Variants in ACACA observed in about 807,000 individuals in gnomAD.
ACACA encodes the protein acetyl-CoA carboxylase alpha, also known as acetyl-CoA carboxylase 1.
A neutral mutation model predicts 296.1 loss-of-function variants in ACACA; 103 were observed. The ratio of observed to expected loss-of-function variants is 0.35; its 90% CI spans 0.30 to 0.41. The LOEUF is 0.41. Among genes scored for constraint, ACACA ranks in the 10% least tolerant of loss-of-function variants. ACACA has a pLI of 1.00. For synonymous variants in ACACA, 953 were observed against 1,038.6 expected (o/e 0.92, Z 1.58); for missense variants, 1,554 against 2,989.7 (o/e 0.52, Z 11.20).
chr17:37,371,727 C>T (rs1374664242), intron 1 of ACACA, among the ~76,000 whole-genome samples: 2 of 151,484 alleles, frequency 1.3e-5, no homozygotes, highest in African/African-American at 4.9e-5. Flanking sequence ...TGGTGAAACC[C>T]CGTCTCTACT....
chr17:37,143,184 T>C (rs944136192), intron 45 of ACACA, among the ~76,000 whole-genome samples: 2 of 150,968 alleles, frequency 1.3e-5, no homozygotes, highest in Admixed American at 1.3e-4. Flanking sequence ...AGCCTGGCTC[T>C]AGCCTCTCCA....
At chr17:37,391,345 A>C (rs572811051) in intron 1 of ACACA, among the ~76,000 whole-genome samples, 1 of 152,344 alleles carries the variant, frequency 6.6e-6, no homozygotes, top group South Asian at 2.1e-4. Flanking sequence ...ACTCATACTT[A>C]AGTTGAGGCT....
chr17:37,313,680 TA>T (rs2046950917), intron 3 of ACACA, among the ~76,000 whole-genome samples: 1 of 152,112 alleles, frequency 6.6e-6, no homozygotes, highest in African/African-American at 2.4e-5. Context: ...TAACAAATGC[TA>T]AGAGGATGTG....
rs144622831 is a variant in ACACA, at chr17:37,349,272, G to A, written c.39-9422C>T. ...GATGAGGTTTTGCCACATTGGCCAG[G>A]CTGGTCTCAAACTCCTGTCCTCAAG... On this transcript the variant is annotated intron_variant, in intron 1 of 55. Transcript: ENST00000616317. Among the ~76,000 whole-genome samples, 768 of 150,390 alleles carry A rather than the reference G, an allele frequency of 5.1e-3. 2 individuals carry two copies. The highest frequency in any genetic ancestry group is 9.3e-3 in the Non-Finnish European group (632 of 67,682).
intron 1 of ACACA, among the ~76,000 whole-genome samples, chr17:37,388,180 G>A (rs2050632717): frequency 6.6e-6 from 1 of 151,986 alleles, no homozygotes; most frequent in African/African-American, 2.4e-5. Context: ...TTAGCCATTT[G>A]CCGCCAGATT....
intron 2 of ACACA, among the ~76,000 whole-genome samples, chr17:37,337,989 C>T (rs1339591264): frequency 6.6e-6 from 1 of 151,448 alleles, no homozygotes; most frequent in African/African-American, 2.4e-5. Context: ...CCCAGCTACT[C>T]GAGAGGCTGA....
intron 28 of ACACA, chr17:37,222,143 C>T (rs1163306572): frequency 4.8e-6 from 2 of 418,022 alleles, no homozygotes; most frequent in Non-Finnish European, 8.9e-6. Context: ...TAGCAAAAGA[C>T]AGCATATAGA....
intron 3 of ACACA, among the ~76,000 whole-genome samples, chr17:37,285,512 T>C (rs2082725618): frequency 6.6e-6 from 1 of 152,156 alleles, no homozygotes; most frequent in Non-Finnish European, 1.5e-5. Flanking sequence ...CTTTTCTTTT[T>C]ACTTTAAAAA....
intron 39 of ACACA, among the ~76,000 whole-genome samples, chr17:37,187,668 T>G (rs1222113144): frequency 6.6e-6 from 1 of 152,226 alleles, no homozygotes; most frequent in Non-Finnish European, 1.5e-5. Flanking sequence ...GGGTTTAAAT[T>G]TGCCACTTTG....
chr17:37,355,678 A>G (rs1346160818), intron 1 of ACACA, among the ~76,000 whole-genome samples: 1 of 151,620 alleles, frequency 6.6e-6, no homozygotes, highest in Admixed American at 6.6e-5. Context: ...CAACATGGAG[A>G]AACCCCATCT....
intron 1 of ACACA, among the ~76,000 whole-genome samples, chr17:37,396,725 C>T (rs569868035): frequency 6.6e-6 from 1 of 152,094 alleles, no homozygotes; most frequent in Non-Finnish European, 1.5e-5. Flanking sequence ...CAGAAGAAAT[C>T]TTTTTATTTT....
intron 42 of ACACA, among the ~76,000 whole-genome samples, chr17:37,158,949 G>A (rs1042172132): frequency 1.3e-5 from 2 of 151,968 alleles, no homozygotes; most frequent in Admixed American, 6.6e-5. Context: ...AGGCCAAGGT[G>A]GGAGGATCAC....
At chr17:37,395,602 T>C (rs2051052908) in intron 1 of ACACA, among the ~76,000 whole-genome samples, 1 of 151,100 alleles carries the variant, frequency 6.6e-6, no homozygotes, top group South Asian at 2.2e-4. Context: ...TGGAGTGCAA[T>C]GGCGTGATCT....
chr17:37,283,268 T>C lies in ACACA; in HGVS notation c.609A>G (p.Ala203=), dbSNP rs773632926. ...MVTPEDLKAN[A]EYIKMADHYV... ...GCTTTCATAATGCTAATAACTCACC[T>C]GCATTGGCTTTAAGGTCTTCAGGTG... Residue 203 remains alanine (A), a splice_region_variant and synonymous_variant, in exon 5 of 56, where the codon GCA becomes GCG. Coordinates refer to ENST00000616317, the MANE Select transcript of ACACA (RefSeq NM_198834.3). 3.1e-6 allele frequency: 5 copies of C among 1,614,162 alleles called. No individual in the cohort carries two copies. The highest frequency in any genetic ancestry group is 4.2e-6 in the Non-Finnish European group (5 of 1,179,996).
chr17:37,235,657 A>G (rs2080075114), intron 24 of ACACA, among the ~76,000 whole-genome samples: 1 of 152,196 alleles, frequency 6.6e-6, no homozygotes, highest in African/African-American at 2.4e-5. Context: ...CACCAAACTT[A>G]GCAATATCCA....
chr17:37,317,927 G>C (rs1223948948), intron 3 of ACACA, among the ~76,000 whole-genome samples: 3 of 152,140 alleles, frequency 2.0e-5, no homozygotes, highest in Non-Finnish European at 4.4e-5. Context: ...GGAGTACCAA[G>C]TTGCAGATCT....
intron 41 of ACACA, among the ~76,000 whole-genome samples, chr17:37,174,000 ATATATATATATATATATATATTTTT>A (rs1360280530): frequency 0.01 from 97 of 9,518 alleles, 9 homozygotes; most frequent in South Asian, 0.018. Context: ...ATATATATAT[ATATATATATATATATATATATTTTT>A]TTTTTTTTTT....
At chr17:37,314,965 T>C (rs981492067) in intron 3 of ACACA, among the ~76,000 whole-genome samples, 2 of 142,068 alleles carry the variant, frequency 1.4e-5, no homozygotes, top group Non-Finnish European at 3.1e-5. Flanking sequence ...TTTTTTTTTT[T>C]TTTTTTTTTT....
chr17:37,141,039 C>T, intron 45 of ACACA: 2 of 415,562 alleles, frequency 4.8e-6, no homozygotes, highest in South Asian at 2.0e-5. Flanking sequence ...TGGCAGTGGC[C>T]ACCTCCCTGA....
Sources: gnomAD v4.1 joint callset for allele counts (sites outside exome capture counted in the v4.1 genomes callset) on GRCh38, gnomAD v4.1.1 for gene constraint, MANE v1.5 for transcripts, NCBI Gene and HGNC (gene_info 2026-07-23, HGNC 2026-07-21) for gene names.